The following KIAA1217 variants were observed in gnomAD, a reference collection of about 807,000 sequenced individuals.
KIAA1217 encodes the protein KIAA1217, also known as sickle tail protein homolog.
Under a neutral mutation model 163.9 loss-of-function variants are expected in KIAA1217, and 88 were observed. The ratio of observed to expected loss-of-function variants is 0.54; its 90% CI spans 0.45 to 0.64. The LOEUF (loss-of-function observed/expected upper bound fraction) is 0.64. Ranked by LOEUF, KIAA1217 falls within the 30% of genes least tolerant of loss-of-function variation. The pLI, the probability that KIAA1217 is intolerant of heterozygous loss-of-function variation, is 0.00. For synonymous variants in KIAA1217, 903 were observed against 923.1 expected (o/e 0.98, Z 0.39); for missense variants, 2,372 against 2,475.0 (o/e 0.96, Z 0.88).
At chr10:23,715,685 A>C (rs765664321) in intron 1 of KIAA1217, among the ~76,000 whole-genome samples, 1 of 152,164 alleles carries the variant, frequency 6.6e-6, no homozygotes, top group Non-Finnish European at 1.5e-5. Context: ...TGTTAAAATG[A>C]TAGATTTGTT....
intron 1 of KIAA1217, among the ~76,000 whole-genome samples, chr10:23,932,633 G>A (rs761301354): frequency 1.3e-5 from 2 of 152,112 alleles, no homozygotes; most frequent in East Asian, 1.9e-4. Flanking sequence ...TTTTTAGATA[G>A]TAATATTTTA....
chr10:24,007,347 T>C (rs1847047778), exon 2 of KIAA1217: 1 of 152,206 alleles, frequency 6.6e-6, no homozygotes, highest in Admixed American at 6.5e-5. Flanking sequence ...CCATGGAGTC[T>C]TCCTCCTCCT....
At chr10:23,922,628 G>A (rs1484151364) in intron 1 of KIAA1217, among the ~76,000 whole-genome samples, 1 of 152,158 alleles carries the variant, frequency 6.6e-6, no homozygotes, top group Non-Finnish European at 1.5e-5. Flanking sequence ...CAGAGAACAG[G>A]AGAACTCCTG....
chr10:24,412,249 T>C (rs563936176), intron 3 of KIAA1217, among the ~76,000 whole-genome samples: 2 of 152,302 alleles, frequency 1.3e-5, no homozygotes, highest in Admixed American at 1.3e-4. Context: ...ATTCGAGCCA[T>C]GTCTCATCTG....
chr10:24,455,793 G>A (rs2061724736), intron 5 of KIAA1217, among the ~76,000 whole-genome samples: 1 of 152,196 alleles, frequency 6.6e-6, no homozygotes. Context: ...TCTATTTGTT[G>A]TTGTAACACT....
At chr10:24,165,109 A>T (rs1037424475) in intron 2 of KIAA1217, among the ~76,000 whole-genome samples, 1 of 152,216 alleles carries the variant, frequency 6.6e-6, no homozygotes, top group Non-Finnish European at 1.5e-5. Flanking sequence ...TAAAGCAAAG[A>T]GAAGTGGCCA....
intron 3 of KIAA1217, among the ~76,000 whole-genome samples, chr10:24,413,405 C>T (rs2057973575): frequency 6.6e-6 from 1 of 152,160 alleles, no homozygotes; most frequent in African/African-American, 2.4e-5. Flanking sequence ...CTCCTGACCT[C>T]AGGTGATCCA....
At chr10:23,915,026 C>T (rs1018555938) in intron 1 of KIAA1217, among the ~76,000 whole-genome samples, 5 of 151,156 alleles carry the variant, frequency 3.3e-5, no homozygotes, top group African/African-American at 1.2e-4. Context: ...ATTATAGACC[C>T]GACCTGTGAC....
intron 2 of KIAA1217, among the ~76,000 whole-genome samples, chr10:24,326,577 C>G (rs1452848199): frequency 6.6e-6 from 1 of 152,076 alleles, no homozygotes; most frequent in Non-Finnish European, 1.5e-5. Flanking sequence ...TTATCAAAAG[C>G]AAATAGATGT....
intron 1 of KIAA1217, among the ~76,000 whole-genome samples, chr10:23,773,182 A>C (rs1362133060): frequency 6.6e-6 from 1 of 152,208 alleles, no homozygotes; most frequent in African/African-American, 2.4e-5. Context: ...ACTGTTATCA[A>C]GAATATTGTG....
At chr10:24,488,751 C>G (rs1408139012) in intron 6 of KIAA1217, among the ~76,000 whole-genome samples, 2 of 151,968 alleles carry the variant, frequency 1.3e-5, no homozygotes, top group African/African-American at 4.8e-5. Flanking sequence ...TTTCCTCATA[C>G]CAGAGTCAGG....
chr10:24,261,486 ACT>A (rs2075716711), intron 2 of KIAA1217, among the ~76,000 whole-genome samples: 2 of 130,056 alleles, frequency 1.5e-5, no homozygotes, highest in South Asian at 4.9e-4. Context: ...GTAGAGCAAG[ACT>A]CTGTCTCAGA....
chr10:24,250,292 G>C (rs1224015097), intron 2 of KIAA1217, among the ~76,000 whole-genome samples: 2 of 152,058 alleles, frequency 1.3e-5, no homozygotes, highest in Non-Finnish European at 2.9e-5. Context: ...AAGAATACTT[G>C]GTGGTTCATA....
Position 24,209,151 on chromosome 10 carries a change from G to A in KIAA1217, c.-43G>A. 1 of 1,591,480 alleles carries A rather than the reference G, an allele frequency of 6.3e-7. No individual in the cohort carries two copies. Among genetic ancestry groups the A allele is most frequent in the African/African-American group, 1.3e-5 (1 of 74,568 alleles). The stretch of plus-strand genomic sequence containing the variant: ...CTGGGAGCTTTTAGAACTGCGCTCT[G>A]AAGTTTCCAGAGAGCGAGGAGCTTT... On this transcript the variant is annotated 5_prime_UTR_variant, in exon 1 of 21. Transcript: ENST00000376454.
intron 1 of KIAA1217, among the ~76,000 whole-genome samples, chr10:23,922,044 C>T (rs1450763752): frequency 6.6e-6 from 1 of 151,892 alleles, no homozygotes; most frequent in African/African-American, 2.4e-5. Context: ...ACTTTCACCC[C>T]CCACCCCCCA....
chr10:23,731,680 A>G (rs1838486835), intron 1 of KIAA1217, among the ~76,000 whole-genome samples: 1 of 152,046 alleles, frequency 6.6e-6, no homozygotes, highest in Non-Finnish European at 1.5e-5. Context: ...CTTGTTTTTG[A>G]TCTTGGTAGG....
At chr10:23,696,181 T>C (rs185418966) in intron 1 of KIAA1217, among the ~76,000 whole-genome samples, 78 of 152,358 alleles carry the variant, frequency 5.1e-4, no homozygotes, top group African/African-American at 1.6e-3. Flanking sequence ...CTTCTTTAAC[T>C]GACCCTACTT....
chr10:24,346,732 C>A (rs1037199943), intron 2 of KIAA1217, among the ~76,000 whole-genome samples: 1 of 151,504 alleles, frequency 6.6e-6, no homozygotes, highest in Admixed American at 6.6e-5. Flanking sequence ...CCACCACACC[C>A]GGCTAATTTT....
intron 2 of KIAA1217, among the ~76,000 whole-genome samples, chr10:24,239,495 C>CTTTTTTTT (rs34650424): frequency 3.0e-5 from 4 of 134,746 alleles, no homozygotes; most frequent in African/African-American, 5.4e-5. Context: ...TTTTTAAGGG[C>CTTTTTTTT]TTTTTTTTTT....
Sources: gnomAD v4.1 joint callset for allele counts (sites outside exome capture counted in the v4.1 genomes callset) on GRCh38, gnomAD v4.1.1 for gene constraint, MANE v1.5 for transcripts, NCBI Gene and HGNC (gene_info 2026-07-23, HGNC 2026-07-21) for gene names.